The following MT1M variants were observed in gnomAD, a reference collection of about 807,000 sequenced individuals.
MT1M encodes the protein metallothionein 1M.
MT1M carries 11 observed loss-of-function variants against 8.5 expected under a neutral mutation model. The ratio of observed to expected loss-of-function variants is 1.29; its 90% CI spans 0.81 to 2.14. The LOEUF (loss-of-function observed/expected upper bound fraction) is 2.14. MT1M is among the 30% of genes most tolerant of loss of function. The pLI, the probability that MT1M is intolerant of heterozygous loss-of-function variation, is 0.00. For missense variants in MT1M, 84 were observed against 76.6 expected, an observed-to-expected ratio of 1.10 and a Z score of -0.36; for synonymous variants, 28 against 30.0, an observed-to-expected ratio of 0.93 and a Z score of 0.22.
intron 2 of MT1M, 101 bp from the exon 3 acceptor site, chr16:56,633,650 T>A (rs1597067894): frequency 1.5e-5 from 24 of 1,600,986 alleles, no homozygotes; most frequent in East Asian, 4.5e-5. Context: ...CGTAAAAAGC[T>A]TCCTCTGGGT....
At chr16:56,633,532 C>G in intron 2 of MT1M, 127 bp downstream of exon 2, 2 of 1,598,396 alleles carry the variant, frequency 1.3e-6, no homozygotes, top group Non-Finnish European at 1.7e-6. Flanking sequence ...GTGTCATTCC[C>G]TCTCCAGGCT....
rs763517762 is a variant in MT1M, at chr16:56,633,417, G to T, written c.94+12G>T. 1.2e-6 allele frequency: 2 copies of T among 1,614,118 alleles called. No homozygotes were observed. Among genetic ancestry groups the T allele is most frequent in the Non-Finnish European group, 1.7e-6 (2 of 1,180,058 alleles). ...CTCCTGCAAGAAGAGTGAGTGCGGG[G>T]CCATCTCCAGGAATCTGGGGCTGTG... On this transcript the variant is annotated intron_variant, in intron 2 of 2. Coordinates refer to ENST00000379818, the MANE Select transcript of MT1M (RefSeq NM_176870.3).
At position 56,632,689 on chromosome 16, in the gene MT1M, C is replaced by T; in HGVS notation, c.-43C>T. On this transcript the variant is annotated 5_prime_UTR_variant, in exon 1 of 3. Transcript: ENST00000379818. Reference sequence around the variant, plus strand: ...GCCGTCCGGGTGGGCCTAGCAGTCGCTCCATTTATCGCTTGAGATCTCCAG... The same window carrying T: ...GCCGTCCGGGTGGGCCTAGCAGTCGTTCCATTTATCGCTTGAGATCTCCAG... The T allele has an allele frequency of 6.2e-7, 1 of 1,612,596 alleles. No homozygotes were observed. The highest frequency in any genetic ancestry group is 8.5e-7 in the Non-Finnish European group (1 of 1,179,860).
chr16:56,632,712 C>A lies in MT1M; in HGVS notation c.-20C>A. 2 of 1,613,286 alleles carry A rather than the reference C, an allele frequency of 1.2e-6. No homozygotes were observed. Among genetic ancestry groups the A allele is most frequent in the Non-Finnish European group, 1.7e-6 (2 of 1,180,028 alleles). Reference sequence around the variant, plus strand: ...CGCTCCATTTATCGCTTGAGATCTCCAGCCTTACCGCGGCTCGAAATGGAC... The same window carrying A: ...CGCTCCATTTATCGCTTGAGATCTCAAGCCTTACCGCGGCTCGAAATGGAC... On this transcript the variant is annotated 5_prime_UTR_variant, in exon 1 of 3. Coordinates refer to ENST00000379818, the MANE Select transcript of MT1M (RefSeq NM_176870.3).
chr16:56,633,100 C>G (rs1567343822), intron 1 of MT1M, among the ~76,000 whole-genome samples: 1 of 152,204 alleles, frequency 6.6e-6, no homozygotes, highest in Admixed American at 6.5e-5. Flanking sequence ...ACAGAAGGTT[C>G]TGGCTGGCAA....
chr16:56,633,758 C>T lies in MT1M; in HGVS notation c.102C>T (p.Cys34=), dbSNP rs368113609. The change falls in exon 3 of 3, where the codon TGC becomes TGT. Residue 34 remains cysteine, a synonymous_variant. Coordinates refer to ENST00000379818, the MANE Select transcript of MT1M (RefSeq NM_176870.3). The part of the protein sequence containing the change: ...CKCTSCKKSC[C]SCCPVGCAKC... ...TCTCCCCTTCTTCCCCAGGCTGCTG[C>T]TCCTGCTGCCCCGTGGGCTGTGCCA... 2.1e-4 allele frequency: 334 copies of T among 1,614,188 alleles called. No homozygotes were observed. The highest frequency in any genetic ancestry group is 1.5e-3 in the African/African-American group (113 of 75,054).
rs1293822092 is a variant in MT1M at position 56,632,668 on chromosome 16, T to C, written c.-64T>C. 5 of 1,606,768 alleles carry C rather than the reference T, an allele frequency of 3.1e-6. No homozygotes were observed. In the East Asian group the frequency reaches 1.1e-4, roughly 36 times the overall value. ...CAGGCTGTGGCGCTCCACCACGCCGTCCGGGTGGGCCTAGCAGTCGCTCCA... is the reference window on the plus strand; with the variant it reads ...CAGGCTGTGGCGCTCCACCACGCCGCCCGGGTGGGCCTAGCAGTCGCTCCA... On this transcript the variant is annotated 5_prime_UTR_variant, in exon 1 of 3. Coordinates refer to ENST00000379818, the MANE Select transcript of MT1M (RefSeq NM_176870.3).
At position 56,633,371 on chromosome 16, in the gene MT1M, G is replaced by T; in HGVS notation, c.60G>T (p.Thr20=). The part of the protein sequence containing the change: ...GVSCACTGSC[T]CKECKCTSCK... Reference sequence around the variant, plus strand: ...CCTGCGCCTGCACCGGCTCCTGCACGTGCAAAGAGTGCAAATGCACCTCCT... The same window carrying T: ...CCTGCGCCTGCACCGGCTCCTGCACTTGCAAAGAGTGCAAATGCACCTCCT... Residue 20 remains threonine (T), a synonymous_variant, in exon 2 of 3, where the codon ACG becomes ACT. Transcript: ENST00000379818. 2 of 1,614,222 alleles carry T rather than the reference G, an allele frequency of 1.2e-6. No homozygotes were observed. Among genetic ancestry groups the T allele is most frequent in the Middle Eastern group, 1.6e-4 (1 of 6,062 alleles).
At chr16:56,633,188 C>T (rs1183195346) in intron 1 of MT1M, 152 bp from the exon 2 acceptor site, 6 of 1,291,714 alleles carry the variant, frequency 4.6e-6, no homozygotes, top group South Asian at 1.4e-5. Context: ...CCCTTCCCAG[C>T]GTTAGTGGAG....
chr16:56,633,918 G>A lies in MT1M; in HGVS notation c.*76G>A. 4 of 1,437,018 alleles carry A rather than the reference G, an allele frequency of 2.8e-6. No individual in the cohort carries two copies. The highest frequency in any genetic ancestry group is 2.9e-6 in the Non-Finnish European group (3 of 1,039,412). 89.0% of individuals were successfully genotyped at this position (1,437,018 alleles called of 1,614,324 possible). A position where few individuals can be genotyped will look rare whatever the true frequency, so the allele number is the denominator to read the frequency against. On this transcript the variant is annotated 3_prime_UTR_variant, in exon 3 of 3. Coordinates refer to ENST00000379818, the MANE Select transcript of MT1M (RefSeq NM_176870.3). ...GGATTTTTTTTCAATACGATACTGAGCCATTTGCTGCATTTCTTTTTATAT... is the reference window on the plus strand; with the variant it reads ...GGATTTTTTTTCAATACGATACTGAACCATTTGCTGCATTTCTTTTTATAT...
rs376886770 is a variant in MT1M, at chr16:56,633,320, C to T, written c.29-20C>T. 29 of 1,614,070 alleles carry T rather than the reference C, an allele frequency of 1.8e-5. No homozygotes were observed. Among genetic ancestry groups the T allele is most frequent in the Middle Eastern group, 1.6e-4 (1 of 6,080 alleles). On this transcript the variant is annotated intron_variant, in intron 1 of 2. Coordinates refer to ENST00000379818, the MANE Select transcript of MT1M (RefSeq NM_176870.3). Reference sequence around the variant, plus strand: ...TCTTCATCTCACTCACTGCCCACTGCGTTTTTCTCTTCCTTGCAGGTGTCT... The same window carrying T: ...TCTTCATCTCACTCACTGCCCACTGTGTTTTTCTCTTCCTTGCAGGTGTCT...
intron 2 of MT1M, 102 bp from the exon 3 acceptor site, chr16:56,633,649 C>T (rs1472036154): frequency 6.2e-7 from 1 of 1,601,194 alleles, no homozygotes; most frequent in Admixed American, 1.7e-5. Flanking sequence ...ACGTAAAAAG[C>T]TTCCTCTGGG....
rs1225727436 is a variant in MT1M at position 56,633,349 on chromosome 16, G to A, written c.38G>A (p.Cys13Tyr). 6.2e-7 allele frequency: 1 copy of A among 1,614,204 alleles called. No homozygotes were observed. Among genetic ancestry groups the A allele is most frequent in the Non-Finnish European group, 8.5e-7 (1 of 1,180,040 alleles). ...PNCSCTTGVSCACTGSCTCKE... is the reference protein window; with the variant it reads ...PNCSCTTGVSYACTGSCTCKE... ...TTTCTCTTCCTTGCAGGTGTCTCCT[G>A]CGCCTGCACCGGCTCCTGCACGTGC... is the stretch of plus-strand genomic sequence containing the variant. The change falls in exon 2 of 3, where the codon TGC (cysteine) becomes TAC (tyrosine). Residue 13 changes from cysteine to tyrosine, a missense_variant. Physicochemically the swap from Cys to Tyr is radical, Grantham distance 194. Coordinates refer to ENST00000379818, the MANE Select transcript of MT1M (RefSeq NM_176870.3).
At chr16:56,633,142 G>T (rs1960311188) in intron 1 of MT1M, among the ~76,000 whole-genome samples, 198 bp from the exon 2 acceptor site, 1 of 152,272 alleles carries the variant, frequency 6.6e-6, no homozygotes, top group Middle Eastern at 3.4e-3. Flanking sequence ...TGTGCCCCTG[G>T]GACCTTCCTG....
rs1345225135 is a variant in MT1M at position 56,633,387 on chromosome 16, T to C, written c.76T>C (p.Cys26Arg). The change falls in exon 2 of 3, where the codon TGC becomes CGC. Residue 26 changes from cysteine to arginine, a missense_variant. Coordinates refer to ENST00000379818, the MANE Select transcript of MT1M (RefSeq NM_176870.3). ...TGSCTCKECK[C>R]TSCKKSCCSC... ...CTCCTGCACGTGCAAAGAGTGCAAA[T>C]GCACCTCCTGCAAGAAGAGTGAGTG... The C allele has an allele frequency of 1.9e-6, 3 of 1,614,216 alleles. No homozygotes were observed. Among genetic ancestry groups the C allele is most frequent in the South Asian group, 1.1e-5 (1 of 91,086 alleles).
At chr16:56,633,641 G>GA (rs1960320531) in intron 2 of MT1M, 110 bp from the exon 3 acceptor site, 19 of 1,599,956 alleles carry the variant, frequency 1.2e-5, no homozygotes, top group Non-Finnish European at 1.6e-5. Flanking sequence ...TGTGCCAGAC[G>GA]TAAAAAGCTT....
In MT1M at chr16:56,632,701, C is replaced by G. The variant is rs1349978269; in HGVS notation, c.-31C>G. 6.2e-7 allele frequency: 1 copy of G among 1,612,908 alleles called. No individual in the cohort carries two copies. The highest frequency in any genetic ancestry group is 1.3e-5 in the African/African-American group (1 of 74,904). Reference sequence around the variant, plus strand: ...GGCCTAGCAGTCGCTCCATTTATCGCTTGAGATCTCCAGCCTTACCGCGGC... The same window carrying G: ...GGCCTAGCAGTCGCTCCATTTATCGGTTGAGATCTCCAGCCTTACCGCGGC... On this transcript the variant is annotated 5_prime_UTR_variant, in exon 1 of 3. Coordinates refer to ENST00000379818, the MANE Select transcript of MT1M (RefSeq NM_176870.3).
In MT1M at chr16:56,633,330, T is replaced by A. The variant is rs55963173; in HGVS notation, c.29-10T>A. On this transcript the variant is annotated splice_polypyrimidine_tract_variant and intron_variant, in intron 1 of 2. Transcript: ENST00000379818. Reference sequence around the variant, plus strand: ...ACTCACTGCCCACTGCGTTTTTCTCTTCCTTGCAGGTGTCTCCTGCGCCTG... The same window carrying A: ...ACTCACTGCCCACTGCGTTTTTCTCATCCTTGCAGGTGTCTCCTGCGCCTG... 0.13 allele frequency: 208,084 copies of A among 1,614,114 alleles called. 14,382 individuals are homozygous for A. Among genetic ancestry groups the A allele is most frequent in the Non-Finnish European group, 0.14 (164,665 of 1,179,998 alleles).
At chr16:56,633,287 C>T in intron 1 of MT1M, 53 bp from the exon 2 acceptor site, 1 of 1,613,334 alleles carries the variant, frequency 6.2e-7, no homozygotes, top group Non-Finnish European at 8.5e-7. Context: ...TGACCCATTG[C>T]TGTACCTTCT....
Sources: gnomAD v4.1 joint callset for allele counts (sites outside exome capture counted in the v4.1 genomes callset) on GRCh38, gnomAD v4.1.1 for gene constraint, MANE v1.5 for transcripts, NCBI Gene and HGNC (gene_info 2026-07-23, HGNC 2026-07-21) for gene names.